The following CLVS1 variants were observed in gnomAD, a reference collection of about 807,000 sequenced individuals.
CLVS1 encodes the protein clavesin 1.
CLVS1 carries 10 observed loss-of-function variants against 33.1 expected under a neutral mutation model. The observed-to-expected ratio is 0.30, with a 90% CI of 0.19 to 0.51. The LOEUF is 0.51. CLVS1 is among the 20% of genes least tolerant of loss of function. CLVS1 has a pLI of 0.97. For missense variants in CLVS1, 343 were observed against 433.4 expected, an observed-to-expected ratio of 0.79 and a Z score of 1.85; for synonymous variants, 163 against 166.1, an observed-to-expected ratio of 0.98 and a Z score of 0.14.
At chr8:61,357,489 C>CTTTTTTTTTTTTTTTTTTTTTTTTT (rs1462908906) in intron 2 of CLVS1, among the ~76,000 whole-genome samples, 2 of 30,284 alleles carry the variant, frequency 6.6e-5, no homozygotes, top group East Asian at 1.9e-3. Flanking sequence ...TTTCCTTTTT[C>CTTTTTTTTTTTTTTTTTTTTTTTTT]TTTTCTTTTT....
chr8:61,049,449 G>T, the CLVS1 span, among the ~76,000 whole-genome samples: 8,795 of 152,264 alleles, frequency 0.058, 278 homozygotes, highest in South Asian at 0.074. Context: ...TGCATTTAGG[G>T]TGTTTGTTCC....
the CLVS1 span, among the ~76,000 whole-genome samples, chr8:61,032,677 C>T: frequency 6.6e-6 from 1 of 152,082 alleles, no homozygotes; most frequent in Admixed American, 6.5e-5. Flanking sequence ...TTTAAACATC[C>T]AACACATGAG....
chr8:61,096,490 T>G (rs952651661), intron 1 of CLVS1, among the ~76,000 whole-genome samples: 5 of 152,232 alleles, frequency 3.3e-5, no homozygotes, highest in Non-Finnish European at 5.9e-5. Flanking sequence ...GGAAAAATGA[T>G]TCTTTATAGT....
intron 2 of CLVS1, among the ~76,000 whole-genome samples, chr8:61,178,844 A>C (rs1807171709): frequency 6.6e-6 from 1 of 152,358 alleles, no homozygotes; most frequent in South Asian, 2.1e-4. Context: ...TCCTGAAAAA[A>C]ATCACTAAAT....
chr8:61,065,167 G>A (rs1481581598), intron 1 of CLVS1, among the ~76,000 whole-genome samples: 1 of 152,102 alleles, frequency 6.6e-6, no homozygotes, highest in African/African-American at 2.4e-5. Flanking sequence ...TAAACGATGT[G>A]GTATTTGCAT....
At chr8:61,406,833 T>C (rs772836070) in intron 3 of CLVS1, among the ~76,000 whole-genome samples, 23 of 152,154 alleles carry the variant, frequency 1.5e-4, no homozygotes, top group Non-Finnish European at 1.8e-4. Context: ...GGTCTCAAAC[T>C]CCTGCGCTCA....
chr8:61,292,824 T>C (rs2129593950), intron 1 of CLVS1, among the ~76,000 whole-genome samples: 1 of 152,328 alleles, frequency 6.6e-6, no homozygotes. Context: ...AACAAAAATC[T>C]CATACTTTAT....
chr8:61,229,741 C>G (rs1473210105), intron 2 of CLVS1, among the ~76,000 whole-genome samples: 1 of 152,222 alleles, frequency 6.6e-6, no homozygotes, highest in African/African-American at 2.4e-5. Flanking sequence ...AGCGATTTTC[C>G]TGCCTCGGTC....
At chr8:61,287,260 T>C (rs1251332478), upstream of CLVS1, among the ~76,000 whole-genome samples, 1 of 151,954 alleles carries the variant, frequency 6.6e-6, no homozygotes, top group Non-Finnish European at 1.5e-5. Context: ...GCGAGGTTGA[T>C]ATTAAAAAAA....
intron 2 of CLVS1, among the ~76,000 whole-genome samples, chr8:61,154,470 A>G (rs1055235479): frequency 1.8e-4 from 27 of 152,208 alleles, no homozygotes; most frequent in African/African-American, 6.3e-4. Flanking sequence ...GGGAGTGGGA[A>G]GAAAAAAATG....
At chr8:61,211,199 TGAG>T (rs1285120952) in intron 2 of CLVS1, among the ~76,000 whole-genome samples, 2 of 152,160 alleles carry the variant, frequency 1.3e-5, no homozygotes, top group African/African-American at 2.4e-5. Flanking sequence ...TACAATGGGC[TGAG>T]GAGTGAAGGT....
At chr8:61,004,793 G>T in the CLVS1 span, among the ~76,000 whole-genome samples, 122 of 152,310 alleles carry the variant, frequency 8.0e-4, no homozygotes, top group Admixed American at 2.0e-3. Flanking sequence ...CGCGGTGAGG[G>T]TTACCTGCCA....
chr8:61,388,687 A>T (rs1814181358), intron 3 of CLVS1, among the ~76,000 whole-genome samples: 1 of 152,050 alleles, frequency 6.6e-6, no homozygotes, highest in Non-Finnish European at 1.5e-5. Context: ...GTACATAGTG[A>T]TGTCTCAATC....
intron 3 of CLVS1, among the ~76,000 whole-genome samples, chr8:61,414,996 A>G (rs1374450715): frequency 1.3e-5 from 2 of 152,248 alleles, no homozygotes; most frequent in East Asian, 3.8e-4. Flanking sequence ...GTTAGGAGCC[A>G]TTTGAGGTTG....
At chr8:61,172,384 A>G (rs1362486046) in intron 2 of CLVS1, among the ~76,000 whole-genome samples, 2 of 152,186 alleles carry the variant, frequency 1.3e-5, no homozygotes, top group Non-Finnish European at 2.9e-5. Context: ...AATTAACTAT[A>G]GCTATCATTG....
chr8:61,185,523 T>G (rs79437286), intron 2 of CLVS1, among the ~76,000 whole-genome samples: 3 of 152,140 alleles, frequency 2.0e-5, no homozygotes, highest in Non-Finnish European at 2.9e-5. Context: ...TTACATTATC[T>G]TCTATTTTTA....
chr8:61,048,199 C>T, the CLVS1 span, among the ~76,000 whole-genome samples: 1 of 152,180 alleles, frequency 6.6e-6, no homozygotes, highest in Non-Finnish European at 1.5e-5. Context: ...GGCTCAGATC[C>T]TGCACGAAAG....
chr8:61,412,568 A>T (rs1417109152), intron 3 of CLVS1, among the ~76,000 whole-genome samples: 1 of 152,204 alleles, frequency 6.6e-6, no homozygotes, highest in South Asian at 2.1e-4. Context: ...AATCTTCCTT[A>T]CTTGTGCACA....
At chr8:61,338,716 C>T (rs1304090277) in intron 2 of CLVS1, among the ~76,000 whole-genome samples, 1 of 152,210 alleles carries the variant, frequency 6.6e-6, no homozygotes, top group Non-Finnish European at 1.5e-5. Context: ...GAGCCACACA[C>T]AGTTCTCCCA....
Sources: gnomAD v4.1 joint callset for allele counts (sites outside exome capture counted in the v4.1 genomes callset) on GRCh38, gnomAD v4.1.1 for gene constraint, MANE v1.5 for transcripts, NCBI Gene and HGNC (gene_info 2026-07-23, HGNC 2026-07-21) for gene names.